Variants in LRP2 observed in about 807,000 individuals in gnomAD.
LRP2 encodes the protein low-density lipoprotein receptor-related protein 2.
In LRP2, 172 loss-of-function variants were observed where a neutral mutation model predicts 531.0. The observed-to-expected ratio is 0.32, with a 90% CI of 0.29 to 0.37. The LOEUF is 0.37. LRP2 is among the 10% of genes least tolerant of loss of function. The probability of loss-of-function intolerance (pLI) is 1.00; values close to 1 mark genes in which losing one functional copy is unlikely to be tolerated. For missense variants in LRP2, 5,167 were observed against 5,868.3 expected (o/e 0.88, Z 3.90); for synonymous variants, 1,992 against 2,027.6 (o/e 0.98, Z 0.47).
At chr2:169,178,914 A>G (rs187339568) in intron 52 of LRP2, among the ~76,000 whole-genome samples, 1 of 152,326 alleles carries the variant, frequency 6.6e-6, no homozygotes, top group Admixed American at 6.5e-5. Context: ...AAGTCATAGG[A>G]AAACTTGAAG....
chr2:169,168,729 G>A (rs1686882462), intron 60 of LRP2, 53 bp from the exon 61 acceptor site: 1 of 1,598,788 alleles, frequency 6.3e-7, no homozygotes, highest in Non-Finnish European at 8.6e-7. Context: ...TGACTACTTT[G>A]GGGAAGCTTC....
intron 4 of LRP2, among the ~76,000 whole-genome samples, chr2:169,306,801 A>G (rs1684432641): frequency 1.3e-5 from 2 of 152,184 alleles, no homozygotes; most frequent in African/African-American, 4.8e-5. Flanking sequence ...TTTTGTGGTG[A>G]TCAGTTACAA....
intron 13 of LRP2, 139 bp from the exon 14 acceptor site, chr2:169,275,377 T>C: frequency 1.4e-6 from 1 of 707,548 alleles, no homozygotes; most frequent in Non-Finnish European, 2.5e-6. Context: ...AAAAGATACA[T>C]TTTAGATGTA....
At chr2:169,279,935 T>G (rs1683656197) in intron 11 of LRP2, among the ~76,000 whole-genome samples, 1 of 152,220 alleles carries the variant, frequency 6.6e-6, no homozygotes, top group South Asian at 2.1e-4. Context: ...ACCGTCAATA[T>G]TTGTTACTCG....
At chr2:169,338,377 AAAGAAAGAAAGAAAGAAAGAAAGAAAG>A (rs1352314111) in intron 1 of LRP2, among the ~76,000 whole-genome samples, 1 of 124,718 alleles carries the variant, frequency 8.0e-6, no homozygotes, top group Non-Finnish European at 1.7e-5. Flanking sequence ...AGAAAGAAAG[AAAGAAAGAAAGAAAGAAAGAAAGAAAG>A]AAAGAAAAGA....
chr2:169,175,038 AC>A (rs1687138367), intron 55 of LRP2, among the ~76,000 whole-genome samples, 154 bp downstream of exon 55: 3 of 148,782 alleles, frequency 2.0e-5, no homozygotes, highest in South Asian at 2.2e-4. Context: ...AAAAAAAAAA[AC>A]TTCATAAAAA....
chr2:169,216,015 T>C (rs2105347104), intron 35 of LRP2, among the ~76,000 whole-genome samples: 1 of 151,550 alleles, frequency 6.6e-6, no homozygotes, highest in East Asian at 1.9e-4. Flanking sequence ...AAAACGTTGG[T>C]GGGGAAATTA....
At position 169,282,853 on chromosome 2, in the gene LRP2, G is replaced by A. The variant is rs200561748; in HGVS notation, c.1171+20C>T. 6.2e-7 allele frequency: 1 copy of A among 1,611,784 alleles called. No individual in the cohort carries two copies. Among genetic ancestry groups the A allele is most frequent in the Non-Finnish European group, 8.5e-7 (1 of 1,177,996 alleles). On this transcript the variant is annotated intron_variant, in intron 10 of 78. Transcript: ENST00000649046. ...AATCTGTTCACTGTTCAGAGACACA[G>A]GTGTCCATAATTTACTCACAGGAAT...
At chr2:169,298,143 G>A (rs1297547588) in intron 4 of LRP2, among the ~76,000 whole-genome samples, 1 of 151,932 alleles carries the variant, frequency 6.6e-6, no homozygotes, top group Non-Finnish European at 1.5e-5. Flanking sequence ...GAATCTACCA[G>A]TTTGGCCACC....
chr2:169,327,770 C>G (rs1685134683), intron 1 of LRP2, among the ~76,000 whole-genome samples: 1 of 128,172 alleles, frequency 7.8e-6, no homozygotes, highest in Admixed American at 7.2e-5. Flanking sequence ...GGGTCAGCCC[C>G]CCGCCCGGCC....
rs777908550 is a variant in LRP2, at chr2:169,289,050, G to C, written c.1018C>G (p.His340Asp). The change falls in exon 9 of 79, where the codon CAC becomes GAC. Residue 340 changes from histidine to aspartate, a missense_variant. Transcript: ENST00000649046. ...CFCPPGYIIN[H>D]NDSRTCVEFD... ...CCAACACAGGTACGGCTGTCATTGTGGTTGATGATATAACCTGGGGGACAA... is the reference window on the plus strand; with the variant it reads ...CCAACACAGGTACGGCTGTCATTGTCGTTGATGATATAACCTGGGGGACAA... 12 of 1,614,042 alleles carry C rather than the reference G, an allele frequency of 7.4e-6. No individual in the cohort carries two copies. The highest frequency in any genetic ancestry group is 1.0e-5 in the Non-Finnish European group (12 of 1,179,976).
At chr2:169,198,340 G>A (rs1319704322) in intron 45 of LRP2, among the ~76,000 whole-genome samples, 2 of 152,170 alleles carry the variant, frequency 1.3e-5, no homozygotes, top group Non-Finnish European at 2.9e-5. Flanking sequence ...CTTGAGCACA[G>A]GAGGCAGAGG....
At chr2:169,306,448 C>A (rs1007247420) in intron 4 of LRP2, among the ~76,000 whole-genome samples, 7 of 152,228 alleles carry the variant, frequency 4.6e-5, no homozygotes, top group African/African-American at 1.7e-4. Flanking sequence ...GCAGGAGAAT[C>A]GCTTGAACCT....
chr2:169,157,551 A>C, intron 63 of LRP2, 49 bp from the exon 64 acceptor site: 1 of 1,605,816 alleles, frequency 6.2e-7, no homozygotes, highest in African/African-American at 1.3e-5. Context: ...CACAAATAAC[A>C]GTCAAGTGGT....
At chr2:169,255,588 C>T (rs830957) in intron 19 of LRP2, among the ~76,000 whole-genome samples, 76,175 of 151,988 alleles carry the variant, frequency 0.5, 19,453 homozygotes, top group South Asian at 0.73. Context: ...AAAACAAAGA[C>T]GATGTCAGTT....
At chr2:169,129,868 C>G (rs1417628978) in intron 77 of LRP2, among the ~76,000 whole-genome samples, 3 of 152,140 alleles carry the variant, frequency 2.0e-5, no homozygotes, top group African/African-American at 7.2e-5. Flanking sequence ...CAGATAAAAA[C>G]CTGGTGGGAG....
In LRP2 at chr2:169,282,789, A is replaced by G. The variant is rs1009982662; in HGVS notation, c.1171+84T>C. Reference sequence around the variant, plus strand: ...CCCTGCCAACAACAAAAATGCTGATAATTCTGTTGTCATCAGAAGGAAGGA... The same window carrying G: ...CCCTGCCAACAACAAAAATGCTGATGATTCTGTTGTCATCAGAAGGAAGGA... On this transcript the variant is annotated intron_variant, in intron 10 of 78. Coordinates refer to ENST00000649046, the MANE Select transcript of LRP2 (RefSeq NM_004525.3). 7.0e-6 allele frequency: 10 copies of G among 1,433,936 alleles called. No individual in the cohort carries two copies. The African/African-American group carries it at 1.4e-4, about 20-fold the overall frequency. The allele number at this position is 1,433,936 out of a possible 1,614,324, so 88.8% of individuals were successfully genotyped here.
In LRP2 at chr2:169,279,596, C is replaced by A; in HGVS notation, c.1342-1G>T. ...AACCATTAATGTCAACTGAAAAAAC[C>A]TGAAAGAAAAACCAAAATTATTATA... On this transcript the variant is annotated splice_acceptor_variant, in intron 11 of 78. Coordinates refer to ENST00000649046, the MANE Select transcript of LRP2 (RefSeq NM_004525.3). LOFTEE classifies it high-confidence loss of function. 6.2e-7 allele frequency: 1 copy of A among 1,606,736 alleles called. No individual in the cohort carries two copies. The highest frequency in any genetic ancestry group is 1.1e-5 in the South Asian group (1 of 90,754).
chr2:169,245,011 G>C, intron 21 of LRP2, 79 bp from the exon 22 acceptor site: 1 of 1,528,042 alleles, frequency 6.5e-7, no homozygotes, highest in South Asian at 1.1e-5. Flanking sequence ...TAAAGGCTCA[G>C]TTCACCTTTT....
Sources: gnomAD v4.1 joint callset for allele counts (sites outside exome capture counted in the v4.1 genomes callset) on GRCh38, gnomAD v4.1.1 for gene constraint, MANE v1.5 for transcripts, NCBI Gene and HGNC (gene_info 2026-07-23, HGNC 2026-07-21) for gene names.